The following SPINDOC variants were observed in gnomAD, a reference collection of about 807,000 sequenced individuals.
SPINDOC encodes spindlin interactor and repressor of chromatin binding.
A neutral mutation model predicts 30.7 loss-of-function variants in SPINDOC; 13 were observed. The observed-to-expected ratio is 0.42, with a 90% CI of 0.28 to 0.67. The LOEUF (loss-of-function observed/expected upper bound fraction) is 0.67, where lower values mean the gene tolerates loss of function less well. SPINDOC is among the 30% of genes least tolerant of loss of function. SPINDOC has a pLI of 0.22. For missense variants in SPINDOC, 438 were observed against 518.0 expected, an observed-to-expected ratio of 0.85 and a Z score of 1.50; for synonymous variants, 228 against 211.4, an observed-to-expected ratio of 1.08 and a Z score of -0.68.
At position 63,818,555 on chromosome 11, in the gene SPINDOC, G is replaced by A; in HGVS notation, c.636G>A (p.Lys212=). 1.2e-6 allele frequency: 2 copies of A among 1,613,300 alleles called. No homozygotes were observed. Among genetic ancestry groups the A allele is most frequent in the East Asian group, 2.2e-5 (1 of 44,872 alleles). ...TCCCTGCCACAGAGCCAGGAAATAA[G>A]AAGCCCCGTGGTCAGAGATGGAAGG... ...PAVPATEPGN[K]KPRGQRWKEP... is the part of the protein sequence containing the mutation. The change falls in exon 4 of 6, where the codon AAG becomes AAA. Residue 212 remains lysine (K), a synonymous_variant. Transcript: ENST00000294244. The surrounding 1 kb of genome is among the most constrained non-coding windows in gnomAD (Gnocchi z 5.3).
intron 5 of SPINDOC, among the ~76,000 whole-genome samples, chr11:63,824,689 C>G (rs2015608768): frequency 6.6e-6 from 1 of 151,654 alleles, no homozygotes; most frequent in African/African-American, 2.4e-5. Context: ...GGTGGCGTCT[C>G]TACATGGGTG....
At chr11:63,820,202 A>G (rs1196974495) in intron 5 of SPINDOC, among the ~76,000 whole-genome samples, 2 of 151,526 alleles carry the variant, frequency 1.3e-5, no homozygotes, top group South Asian at 2.1e-4. Flanking sequence ...GTTTGAGACC[A>G]ACCTGGCCGA....
In SPINDOC at chr11:63,818,765, T is replaced by A. The variant is rs2015422253; in HGVS notation, c.734-37T>A. ...GCAGGGCGCCTGCAGCTCCTGAGGC[T>A]TTTTCACTCACAGTTCCATCCCGTC... On this transcript the variant is annotated intron_variant, in intron 4 of 5. Transcript: ENST00000294244. The surrounding 1 kb of genome is among the most constrained non-coding windows in gnomAD (Gnocchi z 5.3). 6.2e-7 allele frequency: 1 copy of A among 1,612,646 alleles called. No individual in the cohort carries two copies. The highest frequency in any genetic ancestry group is 2.2e-5 in the East Asian group (1 of 44,850).
intron 5 of SPINDOC, among the ~76,000 whole-genome samples, chr11:63,826,353 A>G (rs1322150358): frequency 1.3e-5 from 2 of 152,012 alleles, no homozygotes; most frequent in Non-Finnish European, 2.9e-5. Context: ...TTTGCCCATT[A>G]TGAGTGCCTT....
intron 5 of SPINDOC, among the ~76,000 whole-genome samples, chr11:63,825,858 G>T (rs2015643125): frequency 6.6e-6 from 1 of 152,018 alleles, no homozygotes; most frequent in Non-Finnish European, 1.5e-5. Flanking sequence ...GGTAGAAAAG[G>T]AACACACACA....
intron 5 of SPINDOC, among the ~76,000 whole-genome samples, chr11:63,819,728 C>T (rs1293208052): frequency 6.6e-6 from 1 of 152,192 alleles, no homozygotes; most frequent in Non-Finnish European, 1.5e-5. Flanking sequence ...AACTCCTGAC[C>T]TCAGGTGATC....
rs781308402 is a variant in SPINDOC, at chr11:63,818,788, G to A, written c.734-14G>A. 12 of 1,613,266 alleles carry A rather than the reference G, an allele frequency of 7.4e-6. No homozygotes were observed. The highest frequency in any genetic ancestry group is 4.5e-5 in the East Asian group (2 of 44,894). ...GCTTTTTCACTCACAGTTCCATCCC[G>A]TCCTCCCTTCCAGAGCCCCCATCGC... On this transcript the variant is annotated splice_polypyrimidine_tract_variant and intron_variant, in intron 4 of 5. Transcript: ENST00000294244. This position sits in a 1 kb window ranked among gnomAD's most constrained non-coding sequence, Gnocchi z 5.3.
chr11:63,818,632 A>C lies in SPINDOC; in HGVS notation c.713A>C (p.Lys238Thr). 2 of 1,613,786 alleles carry C rather than the reference A, an allele frequency of 1.2e-6. No homozygotes were observed. The highest frequency in any genetic ancestry group is 1.7e-6 in the Non-Finnish European group (2 of 1,180,018). ...AAGAAAAGAGGCAGACCTATGACCAAAAACCTGGACCCTGACCCAGGTGAA... is the reference window on the plus strand; with the variant it reads ...AAGAAAAGAGGCAGACCTATGACCACAAACCTGGACCCTGACCCAGGTGAA... ...VRKKRGRPMT[K>T]NLDPDPEPPS... The change falls in exon 4 of 6, where the codon AAA becomes ACA. Residue 238 changes from lysine to threonine, a missense_variant. Coordinates refer to ENST00000294244, the MANE Select transcript of SPINDOC (RefSeq NM_138471.3). This position sits in a 1 kb window ranked among gnomAD's most constrained non-coding sequence, Gnocchi z 5.3.
At chr11:63,816,659 G>A (rs1048875059) in intron 1 of SPINDOC, among the ~76,000 whole-genome samples, 1 of 152,144 alleles carries the variant, frequency 6.6e-6, no homozygotes, top group Admixed American at 6.5e-5. Flanking sequence ...AGATGCAGCC[G>A]TGAAGGATCA....
At chr11:63,819,641 C>A (rs1010693261) in intron 5 of SPINDOC, among the ~76,000 whole-genome samples, 3 of 152,106 alleles carry the variant, frequency 2.0e-5, no homozygotes, top group Non-Finnish European at 4.4e-5. Flanking sequence ...GGATTACAGG[C>A]GTGTGCCACC....
At chr11:63,819,518 CAA>C (rs1197146065) in intron 5 of SPINDOC, among the ~76,000 whole-genome samples, 1 of 149,988 alleles carries the variant, frequency 6.7e-6, no homozygotes, top group Non-Finnish European at 1.5e-5. Flanking sequence ...TTTTTTGAGA[CAA>C]GAGTCTTGCT....
At position 63,813,829 on chromosome 11, in the gene SPINDOC, A is replaced by T. The variant is rs2015262789; in HGVS notation, c.127+16A>T. ...ATGCTCAGAGGTGAGGATGGAGGGG[A>T]TTCCACTTCCGCGTCACGGTGCGGG... On this transcript the variant is annotated intron_variant, in intron 1 of 5. Coordinates refer to ENST00000294244, the MANE Select transcript of SPINDOC (RefSeq NM_138471.3). 2 of 1,514,056 alleles carry T rather than the reference A, an allele frequency of 1.3e-6. No homozygotes were observed. Among genetic ancestry groups the T allele is most frequent in the East Asian group, 2.7e-5 (1 of 37,604 alleles). The allele number at this position is 1,514,056 out of a possible 1,614,324, so 93.8% of individuals were successfully genotyped here.
At position 63,818,627 on chromosome 11, in the gene SPINDOC, G is replaced by C. The variant is rs1393968709; in HGVS notation, c.708G>C (p.Met236Ile). The C allele has an allele frequency of 6.2e-7, 1 of 1,613,780 alleles. No individual in the cohort carries two copies. Among genetic ancestry groups the C allele is most frequent in the Admixed American group, 1.7e-5 (1 of 60,022 alleles). The stretch of plus-strand genomic sequence containing the variant: ...TCAGAAAGAAAAGAGGCAGACCTAT[G>C]ACCAAAAACCTGGACCCTGACCCAG... The part of the protein sequence containing the change: ...EPVRKKRGRP[M>I]TKNLDPDPEP... The change falls in exon 4 of 6, where the codon ATG becomes ATC. Residue 236 changes from methionine (M) to isoleucine (I), a missense_variant. Met to Ile is a conservative substitution (Grantham distance 10, BLOSUM62 1). Coordinates refer to ENST00000294244, the MANE Select transcript of SPINDOC (RefSeq NM_138471.3). The surrounding 1 kb of genome is among the most constrained non-coding windows in gnomAD (Gnocchi z 5.3).
In SPINDOC at chr11:63,818,189, A is replaced by T. The variant is rs1391330372; in HGVS notation, c.458-27A>T. 6.2e-7 allele frequency: 1 copy of T among 1,613,578 alleles called. No individual in the cohort carries two copies. The highest frequency in any genetic ancestry group is 1.7e-5 in the Admixed American group (1 of 60,002). On this transcript the variant is annotated intron_variant, in intron 2 of 5. Transcript: ENST00000294244. This position sits in a 1 kb window ranked among gnomAD's most constrained non-coding sequence, Gnocchi z 5.3. ...AAGTCGGACTTGTTGGGGCACTAGA[A>T]GCTCATTGTGCTCTTGCTCCCTGCA...
intron 5 of SPINDOC, chr11:63,822,499 G>C: frequency 1.2e-6 from 1 of 828,796 alleles, no homozygotes; most frequent in Non-Finnish European, 1.8e-6. Context: ...GTATCCTTCA[G>C]AGAGAGCTCT....
In SPINDOC at chr11:63,827,017, T is replaced by G. The variant is rs1397872245; in HGVS notation, c.1024T>G (p.Trp342Gly). The change falls in exon 6 of 6, where the codon TGG (tryptophan) becomes GGG (glycine). Residue 342 changes from tryptophan to glycine, a missense_variant. By Grantham distance (184) the Trp-to-Gly change is radical. Coordinates refer to ENST00000294244, the MANE Select transcript of SPINDOC (RefSeq NM_138471.3). ...EPPAVSLLQD[W>G]SRHPQGTKRV... ...CCCAGCGGTCAGCCTCCTGCAAGAC[T>G]GGTCCAGGCACCCCCAGGGCACCAA... 6.2e-7 allele frequency: 1 copy of G among 1,614,182 alleles called. No homozygotes were observed. The highest frequency in any genetic ancestry group is 1.1e-5 in the South Asian group (1 of 91,084).
chr11:63,827,608 G>A lies in SPINDOC; in HGVS notation c.*469G>A. 1 of 188,444 alleles carries A rather than the reference G, an allele frequency of 5.3e-6. No individual in the cohort carries two copies. The highest frequency in any genetic ancestry group is 1.2e-4 in the South Asian group (1 of 8,412). The allele number at this position is 188,444 out of a possible 1,614,324, so 11.7% of individuals were successfully genotyped here. ...TACCTCTTCCTGTCCCACCCCTGCAGAGGCCTGAAGCTGGGCCTGGGCACC... is the reference window on the plus strand; with the variant it reads ...TACCTCTTCCTGTCCCACCCCTGCAAAGGCCTGAAGCTGGGCCTGGGCACC... On this transcript the variant is annotated 3_prime_UTR_variant, in exon 6 of 6. Transcript: ENST00000294244.
chr11:63,818,469 G>A lies in SPINDOC; in HGVS notation c.608-58G>A. ...GGGCAGGTATCTTCAGGAGCCCTGG[G>A]GTGGCAGGGTTCGGGGATGGCCTCT... On this transcript the variant is annotated intron_variant, in intron 3 of 5. Coordinates refer to ENST00000294244, the MANE Select transcript of SPINDOC (RefSeq NM_138471.3). This position sits in a 1 kb window ranked among gnomAD's most constrained non-coding sequence, Gnocchi z 5.3. The A allele has an allele frequency of 1.2e-6, 2 of 1,604,422 alleles. No homozygotes were observed. The highest frequency in any genetic ancestry group is 1.1e-5 in the South Asian group (1 of 90,708).
At chr11:63,815,977 G>A (rs1051464545) in intron 1 of SPINDOC, among the ~76,000 whole-genome samples, 5 of 152,150 alleles carry the variant, frequency 3.3e-5, no homozygotes, top group African/African-American at 1.2e-4. Context: ...ATGTTGGTGG[G>A]GTTGGTCTTG....
Sources: allele counts gnomAD v4.1 joint callset (sites outside exome capture counted in the v4.1 genomes callset), GRCh38; gene constraint gnomAD v4.1.1; non-coding constraint Gnocchi (gnomAD v3.1); transcripts MANE v1.5; gene names NCBI Gene and HGNC (gene_info 2026-07-23, HGNC 2026-07-21).